Variants in BIVM observed in about 807,000 individuals in gnomAD.
BIVM encodes basic immunoglobulin-like variable motif-containing protein.
A neutral mutation model predicts 61.4 loss-of-function variants in BIVM; 31 were observed. The observed-to-expected ratio is 0.51, with a 90% CI of 0.38 to 0.68. BIVM has a LOEUF of 0.68. Ranked by LOEUF, BIVM falls within the 30% of genes least tolerant of loss-of-function variation. The probability of loss-of-function intolerance (pLI) is 0.00; values close to 1 mark genes in which losing one functional copy is unlikely to be tolerated. For synonymous variants in BIVM, 189 were observed against 210.7 expected (o/e 0.90, Z 0.89); for missense variants, 526 against 596.0 (o/e 0.88, Z 1.22).
chr13:102,820,913 T>C (rs1880226241), intron 4 of BIVM, 124 bp from the exon 5 acceptor site: 2 of 827,524 alleles, frequency 2.4e-6, no homozygotes, highest in Admixed American at 2.8e-5. Flanking sequence ...TGGAAGATTT[T>C]ACATTGACTT....
chr13:102,815,578 T>A (rs1879810662), intron 3 of BIVM, among the ~76,000 whole-genome samples: 1 of 152,220 alleles, frequency 6.6e-6, no homozygotes, highest in Non-Finnish European at 1.5e-5. Flanking sequence ...CATGCTTGTA[T>A]CAAAACATCT....
intron 9 of BIVM, among the ~76,000 whole-genome samples, chr13:102,836,565 T>C (rs767284838): frequency 1.3e-5 from 2 of 152,186 alleles, no homozygotes; most frequent in Non-Finnish European, 2.9e-5. Context: ...CTTACTTCCT[T>C]GGCCTCCCAA....
At chr13:102,821,199 GA>G (rs1203183343) in intron 5 of BIVM, 67 bp downstream of exon 5, 2 of 1,382,950 alleles carry the variant, frequency 1.4e-6, no homozygotes, top group Admixed American at 2.4e-5. Flanking sequence ...TTCTATAACA[GA>G]AAAAAATTTA....
At chr13:102,814,609 T>C (rs1282625982) in intron 3 of BIVM, among the ~76,000 whole-genome samples, 1 of 152,194 alleles carries the variant, frequency 6.6e-6, no homozygotes, top group African/African-American at 2.4e-5. Flanking sequence ...TGTTAGAAAC[T>C]AATTCTTCTG....
intron 3 of BIVM, among the ~76,000 whole-genome samples, chr13:102,808,743 C>G (rs765735665): frequency 6.6e-6 from 1 of 152,020 alleles, no homozygotes; most frequent in Non-Finnish European, 1.5e-5. Context: ...ATATTAAAAT[C>G]TGTATTTATA....
intron 4 of BIVM, 34 bp downstream of exon 4, chr13:102,816,588 G>C: frequency 6.8e-7 from 1 of 1,474,560 alleles, no homozygotes. Flanking sequence ...TTTCATTTTT[G>C]AAATATGTAA....
chr13:102,820,045 C>A (rs1228786007), intron 4 of BIVM, among the ~76,000 whole-genome samples: 1 of 151,978 alleles, frequency 6.6e-6, no homozygotes, highest in Admixed American at 6.6e-5. Context: ...TATCTCCCCC[C>A]ACAACCACGC....
In BIVM at chr13:102,822,058, CT is replaced by C. The variant is rs1185257580; in HGVS notation, c.807-4del. On this transcript the variant is annotated splice_region_variant and splice_polypyrimidine_tract_variant and intron_variant, in intron 6 of 10. Transcript: ENST00000257336. ...TTGCCATGAACAAATCTTCTTGTTACTTTCAGGTGGTTTAGACAAATTAATG... is the reference window on the plus strand; with the variant it reads ...TTGCCATGAACAAATCTTCTTGTTACTTCAGGTGGTTTAGACAAATTAATG... 1 of 1,612,978 alleles carries C rather than the reference CT, an allele frequency of 6.2e-7. No individual in the cohort carries two copies. The highest frequency in any genetic ancestry group is 8.5e-7 in the Non-Finnish European group (1 of 1,179,666).
chr13:102,835,345 A>T (rs1367776449), intron 9 of BIVM, among the ~76,000 whole-genome samples: 1 of 152,160 alleles, frequency 6.6e-6, no homozygotes, highest in Non-Finnish European at 1.5e-5. Context: ...AAAGGGAAAA[A>T]AGTGTACAAT....
chr13:102,826,677 G>T lies in BIVM; in HGVS notation c.901+4518G>T, dbSNP rs550577280. On this transcript the variant is annotated intron_variant, in intron 7 of 10. Coordinates refer to ENST00000257336, the MANE Select transcript of BIVM (RefSeq NM_017693.4). ...AAGACTGCATTATGAGTAAGGCCCT[G>T]GGAGACACCAGAACAAGTCTCATAA... 8.5e-5 allele frequency among the ~76,000 whole-genome samples: 13 copies of T among 152,276 alleles called. No homozygotes were observed. In the South Asian group the frequency reaches 2.7e-3, roughly 32 times the overall value.
In BIVM at chr13:102,841,093, T is replaced by C. The variant is rs1464654379; in HGVS notation, c.*1228T>C. 1.3e-5 allele frequency: 2 copies of C among 152,616 alleles called. No individual in the cohort carries two copies. Among genetic ancestry groups the C allele is most frequent in the African/African-American group, 4.8e-5 (2 of 41,444 alleles). 9.5% of individuals were successfully genotyped at this position (152,616 alleles called of 1,614,324 possible). A position where few individuals can be genotyped will look rare whatever the true frequency, so the allele number is the denominator to read the frequency against. On this transcript the variant is annotated 3_prime_UTR_variant, in exon 11 of 11. Transcript: ENST00000257336. Reference sequence around the variant, plus strand: ...CTGTTTGAAGTGAGTATTAAATATTTCAGAAGTGTGAATTTCATGTATTTG... The same window carrying C: ...CTGTTTGAAGTGAGTATTAAATATTCCAGAAGTGTGAATTTCATGTATTTG...
intron 9 of BIVM, among the ~76,000 whole-genome samples, chr13:102,838,200 T>C (rs1004906254): frequency 1.3e-5 from 2 of 152,244 alleles, no homozygotes; most frequent in Non-Finnish European, 2.9e-5. Context: ...ATGTAGACCT[T>C]GAATCTTCCA....
chr13:102,837,067 C>T (rs1881528606), intron 9 of BIVM, among the ~76,000 whole-genome samples: 2 of 152,128 alleles, frequency 1.3e-5, no homozygotes, highest in Non-Finnish European at 2.9e-5. Flanking sequence ...CACTTCAGCT[C>T]AGGAGTTCGA....
chr13:102,807,886 T>A lies in BIVM; in HGVS notation c.478+141T>A. ...GCTATCATCTTGTCTGTCAATGTAG[T>A]TTTAGGAAAGTAACCTTGACGTAGG... On this transcript the variant is annotated intron_variant, in intron 3 of 10. Coordinates refer to ENST00000257336, the MANE Select transcript of BIVM (RefSeq NM_017693.4). This position sits in a 1 kb window ranked among gnomAD's most constrained non-coding sequence, Gnocchi z 4.0. 1 of 1,026,248 alleles carries A rather than the reference T, an allele frequency of 9.7e-7. No homozygotes were observed. The highest frequency in any genetic ancestry group is 1.4e-6 in the Non-Finnish European group (1 of 729,810). 63.6% of individuals were successfully genotyped at this position (1,026,248 alleles called of 1,614,324 possible). A position where few individuals can be genotyped will look rare whatever the true frequency, so the allele number is the denominator to read the frequency against.
intron 3 of BIVM, among the ~76,000 whole-genome samples, chr13:102,815,634 A>G (rs1192180143): frequency 6.6e-6 from 1 of 152,068 alleles, no homozygotes; most frequent in Admixed American, 6.6e-5. Context: ...CTCAAAAATT[A>G]AAAAAAATTA....
intron 10 of BIVM, among the ~76,000 whole-genome samples, chr13:102,839,322 G>C (rs1478849604): frequency 6.6e-6 from 1 of 152,202 alleles, no homozygotes; most frequent in Non-Finnish European, 1.5e-5. Flanking sequence ...AAGTTCTCTA[G>C]TATGTGTTGG....
At chr13:102,830,491 G>T (rs1880988731) in intron 7 of BIVM, among the ~76,000 whole-genome samples, 1 of 152,154 alleles carries the variant, frequency 6.6e-6, no homozygotes, top group African/African-American at 2.4e-5. Context: ...CTGGTGAAAA[G>T]TCATTTCTTA....
At chr13:102,837,041 G>A (rs1476498284) in intron 9 of BIVM, among the ~76,000 whole-genome samples, 4 of 152,062 alleles carry the variant, frequency 2.6e-5, no homozygotes, top group Admixed American at 6.6e-5. Context: ...TAATCCCAGC[G>A]CTTAGGTGGG....
chr13:102,830,665 A>C (rs1881000572), intron 7 of BIVM, among the ~76,000 whole-genome samples: 1 of 152,182 alleles, frequency 6.6e-6, no homozygotes, highest in Non-Finnish European at 1.5e-5. Flanking sequence ...GTTTTGTGTA[A>C]AGATTAAAGT....
Sources: gnomAD v4.1 joint callset for allele counts (sites outside exome capture counted in the v4.1 genomes callset) on GRCh38, gnomAD v4.1.1 for gene constraint, Gnocchi (gnomAD v3.1) non-coding constraint, MANE v1.5 for transcripts, NCBI Gene and HGNC (gene_info 2026-07-23, HGNC 2026-07-21) for gene names.